GAB2: variants seen among roughly 807,000 people sequenced by gnomAD.
GAB2 encodes the protein GRB2-associated-binding protein 2.
Under a neutral mutation model 65.5 loss-of-function variants are expected in GAB2, and 26 were observed. The ratio of observed to expected loss-of-function variants is 0.40; its 90% CI spans 0.29 to 0.55. The LOEUF (loss-of-function observed/expected upper bound fraction) is 0.55. Among genes scored for constraint, GAB2 ranks in the 20% least tolerant of loss-of-function variants. The probability of loss-of-function intolerance (pLI) is 0.53; values close to 1 mark genes in which losing one functional copy is unlikely to be tolerated. For missense variants in GAB2, 884 were observed against 875.8 expected, an observed-to-expected ratio of 1.01 and a Z score of -0.12; for synonymous variants, 321 against 329.6, an observed-to-expected ratio of 0.97 and a Z score of 0.28.
intron 1 of GAB2, among the ~76,000 whole-genome samples, chr11:78,414,793 T>G (rs1439533656): frequency 6.6e-6 from 1 of 152,226 alleles, no homozygotes; most frequent in East Asian, 1.9e-4. Flanking sequence ...CCCTGAAAAC[T>G]AATTGCTCAA....
At chr11:78,306,625 T>C (rs1855365463) in intron 1 of GAB2, among the ~76,000 whole-genome samples, 5 of 152,374 alleles carry the variant, frequency 3.3e-5, no homozygotes, top group Middle Eastern at 3.4e-3. Flanking sequence ...GAAGCAATCC[T>C]TGGTTTATAA....
Position 78,225,378 on chromosome 11 carries a change from T to C in GAB2, c.1208-176A>G, listed in dbSNP as rs545566789. ...CACTCCTCAGTTCAAAAATTCCTCC[T>C]GGGCTTCTAGATGTAGCTCCAGTGT... On this transcript the variant is annotated intron_variant, in intron 4 of 9. Coordinates refer to ENST00000361507, the MANE Select transcript of GAB2 (RefSeq NM_080491.3). 5.3e-5 allele frequency among the ~76,000 whole-genome samples: 8 copies of C among 152,318 alleles called. No individual in the cohort carries two copies. The East Asian group carries it at 1.2e-3, about 22-fold the overall frequency.
At chr11:78,250,542 C>T (rs763249528) in intron 2 of GAB2, 142 bp from the exon 3 acceptor site, 2 of 714,946 alleles carry the variant, frequency 2.8e-6, no homozygotes, top group Non-Finnish European at 2.4e-6. Flanking sequence ...TATACCTGCC[C>T]CTTGCTGCCC....
At chr11:78,260,673 T>C (rs1021968672) in intron 2 of GAB2, among the ~76,000 whole-genome samples, 6 of 152,164 alleles carry the variant, frequency 3.9e-5, no homozygotes, top group African/African-American at 9.7e-5. Context: ...GGTTTCACCA[T>C]GTTGGCCAGG....
chr11:78,331,106 T>G (rs901258012), intron 1 of GAB2, among the ~76,000 whole-genome samples: 2 of 151,518 alleles, frequency 1.3e-5, no homozygotes, highest in African/African-American at 4.8e-5. Context: ...ACCCGGGAGG[T>G]GGAGGTTGCA....
intron 1 of GAB2, 94 bp downstream of exon 1, chr11:78,417,552 C>A: frequency 1.7e-6 from 1 of 577,678 alleles, no homozygotes; most frequent in South Asian, 6.7e-5. Flanking sequence ...CGGGCCCGAG[C>A]TCCCCAGCCT....
At chr11:78,363,809 T>C (rs1856464593) in intron 1 of GAB2, among the ~76,000 whole-genome samples, 1 of 151,994 alleles carries the variant, frequency 6.6e-6, no homozygotes. Flanking sequence ...TGGTCTCGAA[T>C]TTCCAAGCAC....
At chr11:78,271,802 G>C (rs1414521373) in intron 2 of GAB2, among the ~76,000 whole-genome samples, 1 of 152,182 alleles carries the variant, frequency 6.6e-6, no homozygotes, top group African/African-American at 2.4e-5. Context: ...AGACAAGCCT[G>C]GGTGATATGG....
At chr11:78,316,372 G>A (rs987943944) in intron 1 of GAB2, among the ~76,000 whole-genome samples, 2 of 152,020 alleles carry the variant, frequency 1.3e-5, no homozygotes, top group African/African-American at 4.8e-5. Context: ...TATTAGTTCT[G>A]TCCCTCTGGA....
chr11:78,294,598 G>T (rs966302610), intron 1 of GAB2, among the ~76,000 whole-genome samples: 2 of 152,070 alleles, frequency 1.3e-5, no homozygotes, highest in African/African-American at 4.8e-5. Flanking sequence ...ATTTTTTAAT[G>T]ATCGCCATTT....
intron 2 of GAB2, among the ~76,000 whole-genome samples, chr11:78,261,644 A>G (rs1454956420): frequency 2.0e-5 from 3 of 152,156 alleles, no homozygotes; most frequent in Admixed American, 6.5e-5. Flanking sequence ...GGTCCCATCA[A>G]GGATTCATTC....
intron 2 of GAB2, among the ~76,000 whole-genome samples, chr11:78,267,068 G>A (rs1005285221): frequency 1.3e-5 from 2 of 152,194 alleles, no homozygotes; most frequent in Non-Finnish European, 2.9e-5. Context: ...GGTCTGAGGT[G>A]TGGTAAGACT....
intron 1 of GAB2, among the ~76,000 whole-genome samples, chr11:78,391,723 C>T (rs376651335): frequency 2.0e-5 from 3 of 152,344 alleles, no homozygotes; most frequent in East Asian, 3.9e-4. Context: ...TCACTCTGAG[C>T]CATTCAAGCC....
intron 1 of GAB2, among the ~76,000 whole-genome samples, chr11:78,367,099 T>A (rs1256448672): frequency 6.6e-6 from 1 of 152,098 alleles, no homozygotes; most frequent in African/African-American, 2.4e-5. Context: ...ATCTCAGGGG[T>A]AAAGGGGAAC....
intron 1 of GAB2, among the ~76,000 whole-genome samples, chr11:78,416,134 A>C (rs1486204993): frequency 1.3e-5 from 2 of 152,152 alleles, no homozygotes; most frequent in African/African-American, 4.8e-5. Flanking sequence ...AACCCTGAAG[A>C]GGAAAAAAGT....
intron 2 of GAB2, among the ~76,000 whole-genome samples, chr11:78,262,514 A>G (rs1044542531): frequency 7.2e-5 from 11 of 152,140 alleles, no homozygotes; most frequent in Admixed American, 6.5e-5. Context: ...TCTGTCGCAG[A>G]GGGTACAAAA....
chr11:78,272,719 C>T (rs750693174), intron 2 of GAB2, among the ~76,000 whole-genome samples: 4 of 152,294 alleles, frequency 2.6e-5, no homozygotes, highest in Middle Eastern at 3.4e-3. Flanking sequence ...AAGGAGGAGA[C>T]GAATGTTAAT....
intron 1 of GAB2, among the ~76,000 whole-genome samples, chr11:78,330,859 C>T (rs1855902418): frequency 6.6e-6 from 1 of 152,000 alleles, no homozygotes; most frequent in African/African-American, 2.4e-5. Flanking sequence ...CTAGAATTTG[C>T]CTGAGATCTC....
chr11:78,365,708 T>C (rs906376633), intron 1 of GAB2, among the ~76,000 whole-genome samples: 1 of 152,212 alleles, frequency 6.6e-6, no homozygotes, highest in Non-Finnish European at 1.5e-5. Flanking sequence ...CCATTCATCA[T>C]CTTCTCACTC....
Sources: allele counts gnomAD v4.1 joint callset (sites outside exome capture counted in the v4.1 genomes callset), GRCh38; gene constraint gnomAD v4.1.1; transcripts MANE v1.5; gene names NCBI Gene and HGNC (gene_info 2026-07-23, HGNC 2026-07-21).